Variants in RPS6KC1 observed in about 807,000 individuals in gnomAD.
RPS6KC1 encodes inactive ribosomal protein S6 kinase delta-1.
RPS6KC1 carries 54 observed loss-of-function variants against 103.8 expected under a neutral mutation model. The ratio of observed to expected loss-of-function variants is 0.52; its 90% CI spans 0.42 to 0.65. The LOEUF is 0.65. Ranked by LOEUF, RPS6KC1 falls within the 30% of genes least tolerant of loss-of-function variation. The pLI, the probability that RPS6KC1 is intolerant of heterozygous loss-of-function variation, is 0.00. For synonymous variants in RPS6KC1, 439 were observed against 438.7 expected (o/e 1.00, Z -0.01); for missense variants, 1,151 against 1,253.8 (o/e 0.92, Z 1.24).
the RPS6KC1 span, among the ~76,000 whole-genome samples, chr1:213,724,411 A>G: frequency 1.3e-5 from 2 of 152,094 alleles, no homozygotes; most frequent in African/African-American, 4.8e-5. Context: ...GCTTTGTTTA[A>G]AGCCACAAAT....
At chr1:213,251,542 C>G (rs1288778871) in intron 12 of RPS6KC1, among the ~76,000 whole-genome samples, 3 of 152,202 alleles carry the variant, frequency 2.0e-5, no homozygotes, top group Non-Finnish European at 4.4e-5. Flanking sequence ...GCCTTCATCT[C>G]TTGCCTGGAA....
intron 9 of RPS6KC1, 26 bp downstream of exon 9, chr1:213,230,570 G>A (rs369261346): frequency 1.8e-5 from 28 of 1,583,210 alleles, no homozygotes; most frequent in Middle Eastern, 1.7e-4. Flanking sequence ...AGCCAGGCGC[G>A]GTGCCTATAA....
intron 1 of RPS6KC1, among the ~76,000 whole-genome samples, chr1:213,055,526 A>G (rs538021209): frequency 1.3e-5 from 2 of 152,326 alleles, no homozygotes; most frequent in Non-Finnish European, 2.9e-5. Context: ...GCTATTATGA[A>G]CATTCATATA....
intron 6 of RPS6KC1, among the ~76,000 whole-genome samples, chr1:213,141,819 G>GA (rs1308311596): frequency 1.3e-5 from 2 of 151,494 alleles, no homozygotes; most frequent in East Asian, 3.9e-4. Flanking sequence ...CTAGTATGTC[G>GA]TATCTTTTTT....
chr1:213,476,267 G>A, the RPS6KC1 span, among the ~76,000 whole-genome samples: 13 of 152,154 alleles, frequency 8.5e-5, no homozygotes, highest in Non-Finnish European at 1.6e-4. Flanking sequence ...CGTGCTGGCT[G>A]CTTTCCTCTG....
At chr1:213,230,010 G>A (rs933418911) in intron 8 of RPS6KC1, among the ~76,000 whole-genome samples, 2 of 152,110 alleles carry the variant, frequency 1.3e-5, no homozygotes, top group African/African-American at 2.4e-5. Flanking sequence ...AGGATTTGCC[G>A]GTGGTGGAAA....
the RPS6KC1 span, among the ~76,000 whole-genome samples, chr1:213,756,195 ACT>A: frequency 6.6e-6 from 1 of 152,200 alleles, no homozygotes; most frequent in Non-Finnish European, 1.5e-5. Context: ...TGCCAGGGAC[ACT>A]CTGGACCAGA....
At chr1:213,202,680 C>T (rs1436589594) in intron 8 of RPS6KC1, among the ~76,000 whole-genome samples, 1 of 151,960 alleles carries the variant, frequency 6.6e-6, no homozygotes, top group Non-Finnish European at 1.5e-5. Context: ...TCAAAACCCC[C>T]TACAGTGACA....
chr1:213,386,518 C>A, the RPS6KC1 span, among the ~76,000 whole-genome samples: 1 of 152,128 alleles, frequency 6.6e-6, no homozygotes, highest in Admixed American at 6.5e-5. Context: ...CTGTTTGTAT[C>A]GCAGTGGGGC....
chr1:213,514,597 T>C, the RPS6KC1 span, among the ~76,000 whole-genome samples: 1 of 152,106 alleles, frequency 6.6e-6, no homozygotes, highest in Non-Finnish European at 1.5e-5. Flanking sequence ...CCATGGTGTA[T>C]ATGTGCCACA....
At chr1:213,807,632 A>C in the RPS6KC1 span, among the ~76,000 whole-genome samples, 2 of 152,034 alleles carry the variant, frequency 1.3e-5, no homozygotes, top group Non-Finnish European at 2.9e-5. Context: ...CAGCTCCATC[A>C]GCTCCTTTAA....
intron 13 of RPS6KC1, 50 bp from the exon 14 acceptor site, chr1:213,262,671 A>C (rs1392371199): frequency 2.5e-6 from 3 of 1,192,140 alleles, no homozygotes; most frequent in Non-Finnish European, 3.8e-6. Context: ...ATGATAGAAC[A>C]AAATATGATG....
chr1:213,599,612 T>G, the RPS6KC1 span, among the ~76,000 whole-genome samples: 7 of 152,222 alleles, frequency 4.6e-5, no homozygotes, highest in Non-Finnish European at 8.8e-5. Context: ...AATCTGTCTT[T>G]TGTCTTATTA....
At chr1:213,089,966 A>C (rs929284729) in intron 3 of RPS6KC1, among the ~76,000 whole-genome samples, 8 of 152,206 alleles carry the variant, frequency 5.3e-5, no homozygotes, top group Non-Finnish European at 7.3e-5. Flanking sequence ...TCCAGCTATC[A>C]ATTATCTAGA....
the RPS6KC1 span, among the ~76,000 whole-genome samples, chr1:213,536,497 G>A: frequency 6.6e-6 from 1 of 151,912 alleles, no homozygotes; most frequent in Admixed American, 6.5e-5. Context: ...GTGGTGCATG[G>A]TTTCCAGTGC....
At chr1:213,683,452 C>A in the RPS6KC1 span, among the ~76,000 whole-genome samples, 1 of 152,150 alleles carries the variant, frequency 6.6e-6, no homozygotes, top group Non-Finnish European at 1.5e-5. Flanking sequence ...ATCTTGAGGT[C>A]CCCAGGCTAG....
At chr1:213,810,446 C>T in the RPS6KC1 span, among the ~76,000 whole-genome samples, 3 of 152,148 alleles carry the variant, frequency 2.0e-5, no homozygotes, top group African/African-American at 7.2e-5. Context: ...TGGGTTAAGA[C>T]ATAGAGCTTG....
the RPS6KC1 span, among the ~76,000 whole-genome samples, chr1:213,503,691 A>G: frequency 6.6e-6 from 1 of 152,216 alleles, no homozygotes; most frequent in Non-Finnish European, 1.5e-5. Context: ...TAAAACTAAA[A>G]CAAGAATCTT....
chr1:213,612,412 G>T, the RPS6KC1 span, among the ~76,000 whole-genome samples: 1 of 152,164 alleles, frequency 6.6e-6, no homozygotes, highest in African/African-American at 2.4e-5. Context: ...ATGACATGGG[G>T]TAAGAGCCGA....
Sources: allele counts gnomAD v4.1 joint callset (sites outside exome capture counted in the v4.1 genomes callset), GRCh38; gene constraint gnomAD v4.1.1; transcripts MANE v1.5; gene names NCBI Gene and HGNC (gene_info 2026-07-23, HGNC 2026-07-21).